Variants in ALG9 observed in about 807,000 individuals in gnomAD.
The protein encoded by ALG9 is alpha-1,2-mannosyltransferase ALG9.
Under a neutral mutation model 81.8 loss-of-function variants are expected in ALG9, and 55 were observed. The ratio of observed to expected loss-of-function variants is 0.67; its 90% CI spans 0.54 to 0.84. The LOEUF (loss-of-function observed/expected upper bound fraction) is 0.84, where lower values mean the gene tolerates loss of function less well. ALG9 is among the 40% of genes least tolerant of loss of function. The probability of loss-of-function intolerance (pLI) is 0.00; values close to 1 mark genes in which losing one functional copy is unlikely to be tolerated. For synonymous variants in ALG9, 278 were observed against 274.3 expected, an observed-to-expected ratio of 1.01 and a Z score of -0.13; for missense variants, 629 against 745.0, an observed-to-expected ratio of 0.84 and a Z score of 1.81.
chr11:111,830,755 AGAG>A (rs1233307670), intron 13 of ALG9, among the ~76,000 whole-genome samples: 5 of 152,226 alleles, frequency 3.3e-5, no homozygotes, highest in African/African-American at 7.2e-5. Context: ...AGGAAGAAAA[AGAG>A]AAGAAAGGAA....
intron 13 of ALG9, among the ~76,000 whole-genome samples, chr11:111,823,719 A>T (rs926801000): frequency 3.9e-5 from 6 of 152,222 alleles, no homozygotes; most frequent in Non-Finnish European, 8.8e-5. Context: ...TGTCTTATCT[A>T]CAGAGCCTAG....
intron 13 of ALG9, among the ~76,000 whole-genome samples, chr11:111,818,030 C>T (rs567324323): frequency 5.3e-5 from 8 of 152,266 alleles, no homozygotes; most frequent in South Asian, 2.1e-4. Context: ...CCGCCCACTT[C>T]GGCCTCCCAA....
intron 13 of ALG9, among the ~76,000 whole-genome samples, chr11:111,833,871 TCTAA>T (rs1235540324): frequency 1.6e-4 from 25 of 152,196 alleles, no homozygotes; most frequent in Admixed American, 1.6e-3. Context: ...GGAAATATGA[TCTAA>T]CTAAGACAAC....
At chr11:111,788,604 G>A (rs1555067441) in intron 14 of ALG9, 1 of 381,130 alleles carries the variant, frequency 2.6e-6, no homozygotes, top group Non-Finnish European at 5.1e-6. Context: ...AATTAGCCTG[G>A]CAGGGTGGCA....
Position 111,865,196 on chromosome 11 carries a change from T to C in ALG9, c.461A>G (p.Glu154Gly). 1 of 1,547,722 alleles carries C rather than the reference T, an allele frequency of 6.5e-7. No homozygotes were observed. The highest frequency in any genetic ancestry group is 8.7e-7 in the Non-Finnish European group (1 of 1,146,414). ...TTATACTCACTTGTAAAAGTAAAGTTCACAAATACAGCTCACAAAAGCCAG... is the reference window on the plus strand; with the variant it reads ...TTATACTCACTTGTAAAAGTAAAGTCCACAAATACAGCTCACAAAAGCCAG... ...CLLAFVSCIC[E>G]LYFYKAVCKK... Residue 154 changes from glutamate (E) to glycine (G), a missense_variant, in exon 4 of 15, where the codon GAA becomes GGA. Around this residue, in one of 3 missense-constraint regions of ALG9, gnomAD observed 344 missense variants for 390.5 expected, o/e 0.88. Coordinates refer to ENST00000616540, the MANE Select transcript of ALG9 (RefSeq NM_024740.2).
At chr11:111,832,796 A>G (rs12223294) in intron 13 of ALG9, among the ~76,000 whole-genome samples, 44,761 of 152,092 alleles carry the variant, frequency 0.29, 7,471 homozygotes, top group East Asian at 0.59. Context: ...CTATAATCCC[A>G]GAGCTTTGAG....
At chr11:111,796,573 GAAT>G (rs1948319139) in intron 14 of ALG9, among the ~76,000 whole-genome samples, 1 of 152,158 alleles carries the variant, frequency 6.6e-6, no homozygotes, top group African/African-American at 2.4e-5. Context: ...TTAAGCAGCT[GAAT>G]AATGGCAAAA....
rs782769245 is a variant in ALG9 at position 111,853,467 on chromosome 11, C to T, written c.808G>A (p.Asp270Asn). The change falls in exon 8 of 15, where the codon GAC (aspartate) becomes AAC (asparagine). Residue 270 changes from aspartate (D) to asparagine (N), a missense_variant. Physicochemically the swap from Asp to Asn is conservative, Grantham distance 23. This residue lies in a region of ALG9 where 344 missense variants were observed against 390.5 expected (regional missense o/e 0.88). Transcript: ENST00000616540. ...ILFLVPVVVI[D>N]SYYYGKLVIA... ...ACCAACTTCCCATAATAGTAGCTGT[C>T]AATGACCACCACAGGCACCTAAAAC... 5.0e-6 allele frequency: 8 copies of T among 1,613,884 alleles called. No homozygotes were observed. The highest frequency in any genetic ancestry group is 1.7e-6 in the Non-Finnish European group (2 of 1,179,828).
chr11:111,863,052 G>A lies in ALG9; in HGVS notation c.476+2129C>T, dbSNP rs1018511616. Among the ~76,000 whole-genome samples, 19 of 152,124 alleles carry A rather than the reference G, an allele frequency of 1.2e-4. No individual in the cohort carries two copies. In the East Asian group the frequency reaches 3.1e-3, roughly 25 times the overall value. On this transcript the variant is annotated intron_variant, in intron 4 of 14. Transcript: ENST00000616540. Reference sequence around the variant, plus strand: ...AGAGAAATTTTTTGCCAGATGCCACGGGCACTACCAACCCAGAACAATTTA... The same window carrying A: ...AGAGAAATTTTTTGCCAGATGCCACAGGCACTACCAACCCAGAACAATTTA...
At chr11:111,778,141 C>G (rs1555055800), downstream of ALG9, 1 of 151,858 alleles carries the variant, frequency 6.6e-6, no homozygotes, top group Non-Finnish European at 1.5e-5. Flanking sequence ...TTTTTTACAC[C>G]CATTGTTCTA....
chr11:111,870,498 TA>T (rs35910540), intron 1 of ALG9, 128 bp from the exon 2 acceptor site: 1 of 1,230,634 alleles, frequency 8.1e-7, no homozygotes, highest in Non-Finnish European at 1.1e-6. Flanking sequence ...GTTATTCACC[TA>T]AAAAGGTGAA....
intron 13 of ALG9, among the ~76,000 whole-genome samples, chr11:111,811,269 A>C (rs1174877112): frequency 6.6e-6 from 1 of 152,188 alleles, no homozygotes; most frequent in East Asian, 1.9e-4. Context: ...TTGGCTGGGC[A>C]CGGTGGCTCA....
intron 8 of ALG9, among the ~76,000 whole-genome samples, chr11:111,851,065 G>T (rs532314598): frequency 6.6e-6 from 1 of 152,284 alleles, no homozygotes; most frequent in African/African-American, 2.4e-5. Context: ...TGCTCTACTG[G>T]ATCTCAAAAC....
chr11:111,859,869 A>G (rs2137137369), intron 5 of ALG9, among the ~76,000 whole-genome samples: 1 of 152,200 alleles, frequency 6.6e-6, no homozygotes, highest in Admixed American at 6.6e-5. Context: ...AATTGAGACA[A>G]TTATATCCAG....
At chr11:111,846,865 C>A (rs1447453668) in intron 8 of ALG9, among the ~76,000 whole-genome samples, 1 of 152,154 alleles carries the variant, frequency 6.6e-6, no homozygotes, top group Non-Finnish European at 1.5e-5. Flanking sequence ...ATGCAAAAAA[C>A]CATGTCAGAA....
intron 13 of ALG9, among the ~76,000 whole-genome samples, chr11:111,814,892 A>G (rs1015486541): frequency 6.6e-6 from 1 of 152,238 alleles, no homozygotes; most frequent in African/African-American, 2.4e-5. Context: ...TAAAAGCTTT[A>G]CAAGTGCCAT....
rs782812346 is a variant in ALG9, at chr11:111,840,678, C to T, written c.1150G>A (p.Ala384Thr). 1.7e-5 allele frequency: 27 copies of T among 1,613,778 alleles called. No homozygotes were observed. The highest frequency in any genetic ancestry group is 4.4e-5 in the South Asian group (4 of 91,068). Residue 384 changes from alanine to threonine, a missense_variant, in exon 10 of 15, where the codon GCT becomes ACT. Ala to Thr is a moderately conservative substitution (Grantham distance 58, BLOSUM62 0). Transcript: ENST00000616540. The stretch of plus-strand genomic sequence containing the variant: ...ACCTGAAGTGCAGAGAGAGCCACAG[C>T]GCCACAGAGACATATAAGTGGATAC... Reference protein sequence around the residue: ...PVYPLICLCGAVALSALQHSF... With the variant: ...PVYPLICLCGTVALSALQHSF...
In ALG9 at chr11:111,844,704, G is replaced by C; in HGVS notation, c.915C>G (p.Phe305Leu). The C allele has an allele frequency of 6.2e-7, 1 of 1,613,924 alleles. No individual in the cohort carries two copies. Residue 305 changes from phenylalanine to leucine, a missense_variant, in exon 9 of 15, where the codon TTC becomes TTG. Phe to Leu is a conservative substitution (Grantham distance 22). Around this residue, in one of 3 missense-constraint regions of ALG9, gnomAD observed 344 missense variants for 390.5 expected, o/e 0.88. Coordinates refer to ENST00000616540, the MANE Select transcript of ALG9 (RefSeq NM_024740.2). ...PDLYGTEPWY[F>L]YLINGFLNFN... ...AATTCAGAAATCCATTAATTAAATA[G>C]AAATACCAGGGTTCTGTACCTGAGG... is the stretch of plus-strand genomic sequence containing the variant.
chr11:111,803,914 C>G (rs1949526994), intron 14 of ALG9, among the ~76,000 whole-genome samples: 1 of 152,090 alleles, frequency 6.6e-6, no homozygotes, highest in Admixed American at 6.5e-5. Context: ...GGGTGGATCA[C>G]TTGCGGTCAG....
Sources: allele counts gnomAD v4.1 joint callset (sites outside exome capture counted in the v4.1 genomes callset), GRCh38; gene constraint gnomAD v4.1.1; regional missense constraint gnomAD v4.1.1; transcripts MANE v1.5; gene names NCBI Gene and HGNC (gene_info 2026-07-23, HGNC 2026-07-21).